NRG1: variants seen among roughly 807,000 people sequenced by gnomAD.
NRG1 encodes the protein pro-neuregulin-1, membrane-bound isoform.
In NRG1, 18 loss-of-function variants were observed where a neutral mutation model predicts 63.8. The observed-to-expected ratio is 0.28, with a 90% confidence interval of 0.19 to 0.42. The LOEUF is 0.42. Ranked by LOEUF, NRG1 falls within the 10% of genes least tolerant of loss-of-function variation. The probability of loss-of-function intolerance (pLI) is 1.00; values close to 1 mark genes in which losing one functional copy is unlikely to be tolerated. For synonymous variants in NRG1, 302 were observed against 301.3 expected, an observed-to-expected ratio of 1.00 and a Z score of -0.02; for missense variants, 762 against 814.7, an observed-to-expected ratio of 0.94 and a Z score of 0.79.
chr8:32,110,022 GA>G (rs1291573277), intron 1 of NRG1, among the ~76,000 whole-genome samples: 2 of 152,102 alleles, frequency 1.3e-5, no homozygotes, highest in Non-Finnish European at 2.9e-5. Flanking sequence ...CTATGTCAGA[GA>G]GCTATTGTAA....
chr8:32,236,125 G>A (rs1468158698), intron 1 of NRG1, among the ~76,000 whole-genome samples: 1 of 151,832 alleles, frequency 6.6e-6, no homozygotes, highest in East Asian at 1.9e-4. Flanking sequence ...GTTTTTGTGT[G>A]TGTATGTGTG....
rs917665244 is a variant in NRG1, at chr8:32,742,236, C to G, written c.633-439C>G. Among the ~76,000 whole-genome samples, 1 of 151,936 alleles carries G rather than the reference C, an allele frequency of 6.6e-6. No homozygotes were observed. The highest frequency in any genetic ancestry group is 2.4e-5 in the African/African-American group (1 of 41,348). On this transcript the variant is annotated intron_variant, in intron 6 of 11. Transcript: ENST00000356819. This position sits in a 1 kb window ranked among gnomAD's most constrained non-coding sequence, Gnocchi z 4.2. ...ATTCAGTGTTACCTTATTTAACTGT[C>G]TCTCAAAGTGGGTCCCTAAGTCATC... is the stretch of plus-strand genomic sequence containing the variant.
intron 1 of NRG1, among the ~76,000 whole-genome samples, chr8:31,705,439 C>A (rs776876051): frequency 6.6e-6 from 1 of 152,242 alleles, no homozygotes; most frequent in Middle Eastern, 3.4e-3. Context: ...CACTCCCACA[C>A]CCCACACTCC....
intron 1 of NRG1, among the ~76,000 whole-genome samples, chr8:31,680,558 G>C (rs1262729344): frequency 6.6e-6 from 1 of 150,614 alleles, no homozygotes; most frequent in Admixed American, 6.6e-5. Flanking sequence ...CATTTGGGTT[G>C]GTTCCAAGTC....
intron 1 of NRG1, among the ~76,000 whole-genome samples, chr8:32,552,966 G>A (rs1030237609): frequency 3.9e-5 from 6 of 152,126 alleles, no homozygotes; most frequent in African/African-American, 1.4e-4. Flanking sequence ...CATGTTCCAG[G>A]CAGTAAAACA....
chr8:32,085,707 A>T (rs912406486), intron 1 of NRG1, among the ~76,000 whole-genome samples: 1 of 152,212 alleles, frequency 6.6e-6, no homozygotes, highest in African/African-American at 2.4e-5. Flanking sequence ...TAACTACAAC[A>T]TATAATTTAA....
chr8:32,719,048 TA>T (rs958121938), intron 5 of NRG1, among the ~76,000 whole-genome samples: 4 of 152,136 alleles, frequency 2.6e-5, no homozygotes, highest in Non-Finnish European at 5.9e-5. Flanking sequence ...TGCTGAATAG[TA>T]GCACTGATAG....
intron 1 of NRG1, among the ~76,000 whole-genome samples, chr8:31,761,894 A>T (rs1817599127): frequency 6.6e-6 from 1 of 152,164 alleles, no homozygotes; most frequent in Non-Finnish European, 1.5e-5. Context: ...TAATAGGTAA[A>T]AAATACAGTA....
chr8:32,626,122 A>G (rs1370764237), intron 5 of NRG1, among the ~76,000 whole-genome samples: 1 of 152,152 alleles, frequency 6.6e-6, no homozygotes, highest in East Asian at 1.9e-4. Flanking sequence ...AATGAAAATG[A>G]ATAGATAATA....
chr8:31,707,590 C>T (rs746815848), intron 1 of NRG1, among the ~76,000 whole-genome samples: 1 of 152,006 alleles, frequency 6.6e-6, no homozygotes, highest in Non-Finnish European at 1.5e-5. Context: ...TCTTTATGAT[C>T]TCGAAATTTA....
intron 1 of NRG1, among the ~76,000 whole-genome samples, chr8:32,235,643 C>T (rs1480335904): frequency 6.6e-6 from 1 of 152,076 alleles, no homozygotes; most frequent in East Asian, 1.9e-4. Context: ...TTCTGGTTTG[C>T]CTGGGGTTGA....
At position 32,431,953 on chromosome 8, in the gene NRG1, T is replaced by G. The variant is rs561912599; in HGVS notation, c.38-163875T>G. On this transcript the variant is annotated intron_variant, in intron 1 of 10. Coordinates refer to the NRG1 transcript ENST00000519301. ...AAGAAATGTCACAGGGAAAAGGTGTTACTCCACACATGGTAGTCGTTATTA... is the reference window on the plus strand; with the variant it reads ...AAGAAATGTCACAGGGAAAAGGTGTGACTCCACACATGGTAGTCGTTATTA... Among the ~76,000 whole-genome samples, 6 of 152,288 alleles carry G rather than the reference T, an allele frequency of 3.9e-5. No homozygotes were observed. The South Asian group carries it at 1.2e-3, about 32-fold the overall frequency.
intron 1 of NRG1, among the ~76,000 whole-genome samples, chr8:32,091,359 A>G (rs1385256359): frequency 2.6e-5 from 4 of 152,316 alleles, no homozygotes; most frequent in South Asian, 2.1e-4. Context: ...GCAACATTCA[A>G]TGACATTTAC....
chr8:31,783,738 A>G (rs1401558971), intron 1 of NRG1, among the ~76,000 whole-genome samples: 1 of 152,218 alleles, frequency 6.6e-6, no homozygotes. Flanking sequence ...ATTTGGAACA[A>G]CTGAGATGTT....
intron 1 of NRG1, among the ~76,000 whole-genome samples, chr8:31,943,402 G>A (rs28529032): frequency 0.032 from 4,829 of 152,144 alleles, 277 homozygotes; most frequent in African/African-American, 0.11. Flanking sequence ...GGGGACTGGC[G>A]AAGGATAAGA....
intron 1 of NRG1, among the ~76,000 whole-genome samples, chr8:32,338,098 G>A (rs908314330): frequency 3.3e-5 from 5 of 152,206 alleles, no homozygotes; most frequent in African/African-American, 4.8e-5. Flanking sequence ...TTTAAGATAA[G>A]CATAATACAT....
At chr8:32,536,666 T>C (rs372203883) in intron 1 of NRG1, among the ~76,000 whole-genome samples, 1 of 152,016 alleles carries the variant, frequency 6.6e-6, no homozygotes, top group East Asian at 1.9e-4. Flanking sequence ...CTCATGCCTG[T>C]AATCCCAGCA....
intron 1 of NRG1, among the ~76,000 whole-genome samples, chr8:32,408,309 C>G (rs1814387197): frequency 6.6e-6 from 1 of 152,216 alleles, no homozygotes; most frequent in Non-Finnish European, 1.5e-5. Context: ...TTGCCCTGTT[C>G]CCTCAGGCTC....
chr8:32,227,491 A>C (rs1461539580), intron 1 of NRG1, among the ~76,000 whole-genome samples: 2 of 152,198 alleles, frequency 1.3e-5, no homozygotes, highest in Non-Finnish European at 2.9e-5. Flanking sequence ...GTCTAGTCCC[A>C]AACTGCACAG....
Sources: gnomAD v4.1 joint callset for allele counts (sites outside exome capture counted in the v4.1 genomes callset) on GRCh38, gnomAD v4.1.1 for gene constraint, Gnocchi (gnomAD v3.1) non-coding constraint, MANE v1.5 for transcripts, NCBI Gene and HGNC (gene_info 2026-07-23, HGNC 2026-07-21) for gene names.